MAP4: variants seen among roughly 807,000 people sequenced by gnomAD.
MAP4 encodes the protein microtubule-associated protein 4.
Under a neutral mutation model 170.2 loss-of-function variants are expected in MAP4, and 76 were observed. That is an observed-to-expected ratio of 0.45 (90% confidence interval 0.37 to 0.54). MAP4 has a LOEUF of 0.54. MAP4 is among the 20% of genes least tolerant of loss of function. The pLI, the probability that MAP4 is intolerant of heterozygous loss-of-function variation, is 0.00. For synonymous variants in MAP4, 909 were observed against 994.5 expected, an observed-to-expected ratio of 0.91 and a Z score of 1.62; for missense variants, 2,506 against 2,748.0, an observed-to-expected ratio of 0.91 and a Z score of 1.97.
At chr3:48,005,455 G>A (rs1204921220) in intron 1 of MAP4, among the ~76,000 whole-genome samples, 1 of 152,162 alleles carries the variant, frequency 6.6e-6, no homozygotes, top group East Asian at 1.9e-4. Context: ...ATGGTGGAAG[G>A]AACATAGAGT....
chr3:47,890,814 A>T (rs539878657), intron 10 of MAP4, among the ~76,000 whole-genome samples: 1 of 152,300 alleles, frequency 6.6e-6, no homozygotes, highest in East Asian at 1.9e-4. Flanking sequence ...TCATGCTAGC[A>T]AGACATTCAG....
intron 3 of MAP4, among the ~76,000 whole-genome samples, chr3:47,951,696 G>A (rs1322199887): frequency 1.6e-4 from 25 of 151,856 alleles, no homozygotes; most frequent in Admixed American, 1.0e-3. Context: ...ATCTCGGCTC[G>A]CTACAACCTC....
At chr3:47,973,341 G>T in intron 3 of MAP4, 1 of 985,346 alleles carries the variant, frequency 1.0e-6, no homozygotes. Context: ...TGACCAGTCT[G>T]GCTGCCTCAC....
chr3:47,957,642 C>A (rs900605315), intron 3 of MAP4, among the ~76,000 whole-genome samples: 2 of 152,152 alleles, frequency 1.3e-5, no homozygotes, highest in African/African-American at 4.8e-5. Flanking sequence ...CCAAGAAAGT[C>A]ATTTCATAGT....
chr3:47,857,590 T>A, intron 17 of MAP4, 78 bp from the exon 18 acceptor site: 3 of 965,202 alleles, frequency 3.1e-6, no homozygotes, highest in Non-Finnish European at 5.0e-6. Context: ...CTTTTAAATC[T>A]TCTCCATGTT....
At chr3:47,925,369 C>T (rs1323357222) in intron 4 of MAP4, among the ~76,000 whole-genome samples, 1 of 152,086 alleles carries the variant, frequency 6.6e-6, no homozygotes, top group Non-Finnish European at 1.5e-5. Context: ...TTGCTGGCTC[C>T]TCTTCTTCCT....
rs749752246 is a variant in MAP4 at position 47,870,974 on chromosome 3, TGGAGGGCCG to T, written c.6124_6132del (p.Arg2042_Ser2044del). The T allele has an allele frequency of 2.4e-4, 392 of 1,613,878 alleles. No homozygotes were observed. The highest frequency in any genetic ancestry group is 3.0e-4 in the Non-Finnish European group (359 of 1,179,958). ...GGCTTCTTGTCTATGAAAGGAGTTG[TGGAGGGCCG>T]GGAGGGCATGGGTGTGGCCTTGACT... On this transcript the variant is annotated inframe_deletion, in exon 15 of 21. Coordinates refer to ENST00000683076, the MANE Select transcript of MAP4 (RefSeq NM_001385682.1).
At chr3:47,908,180 A>G (rs1302949125) in intron 9 of MAP4, among the ~76,000 whole-genome samples, 1 of 151,700 alleles carries the variant, frequency 6.6e-6, no homozygotes, top group Non-Finnish European at 1.5e-5. Context: ...GATTCAGGGA[A>G]GCCACGATTA....
At chr3:47,882,611 GT>G (rs1475419742) in intron 10 of MAP4, among the ~76,000 whole-genome samples, 1 of 151,918 alleles carries the variant, frequency 6.6e-6, no homozygotes. Context: ...TTCTACTACT[GT>G]TTTTTCCTCT....
chr3:47,888,976 A>G (rs1002843927), intron 10 of MAP4, among the ~76,000 whole-genome samples: 2 of 152,222 alleles, frequency 1.3e-5, no homozygotes, highest in Non-Finnish European at 2.9e-5. Context: ...GTCAGTATAG[A>G]CAAAGACATG....
intron 1 of MAP4, among the ~76,000 whole-genome samples, chr3:48,054,355 G>T (rs1420864075): frequency 6.6e-6 from 1 of 151,956 alleles, no homozygotes; most frequent in Admixed American, 6.6e-5. Context: ...GCCAGGCACG[G>T]TGGCTCACGC....
rs183328383 is a variant in MAP4 at position 47,917,309 on chromosome 3, C to T, written c.653-135G>A. The T allele has an allele frequency of 1.4e-4, 102 of 723,700 alleles. 1 individual carries two copies. The highest frequency in any genetic ancestry group is 4.7e-4 in the South Asian group (26 of 54,988). 44.8% of individuals were successfully genotyped at this position (723,700 alleles called of 1,614,324 possible). On this transcript the variant is annotated intron_variant, in intron 6 of 20. Transcript: ENST00000683076. Reference sequence around the variant, plus strand: ...ACATAACTAAGAATTAATGTTAGGCCGGGCACAGTGGCTCACGCCTGTAAT... The same window carrying T: ...ACATAACTAAGAATTAATGTTAGGCTGGGCACAGTGGCTCACGCCTGTAAT...
chr3:47,943,185 A>G (rs1328306783), intron 3 of MAP4, among the ~76,000 whole-genome samples: 1 of 152,148 alleles, frequency 6.6e-6, no homozygotes, highest in Non-Finnish European at 1.5e-5. Context: ...GAGAAAGCCT[A>G]CTCCTTTCTC....
At chr3:47,969,044 A>C (rs1393250545) in intron 3 of MAP4, among the ~76,000 whole-genome samples, 3 of 152,100 alleles carry the variant, frequency 2.0e-5, no homozygotes, top group African/African-American at 7.3e-5. Flanking sequence ...TAAAGAAAAA[A>C]ACGTTTGGGT....
Position 47,937,478 on chromosome 3 carries a change from T to C in MAP4, c.293-9128A>G, listed in dbSNP as rs181861909. On this transcript the variant is annotated intron_variant, in intron 3 of 20. Coordinates refer to ENST00000683076, the MANE Select transcript of MAP4 (RefSeq NM_001385682.1). Reference sequence around the variant, plus strand: ...TTTTTTCATAGGATTAATATATTTGTCTTAGTTCTTGAATCACAAAACACA... The same window carrying C: ...TTTTTTCATAGGATTAATATATTTGCCTTAGTTCTTGAATCACAAAACACA... 4.9e-3 allele frequency among the ~76,000 whole-genome samples: 742 copies of C among 152,244 alleles called. 6 individuals carry two copies. The highest frequency in any genetic ancestry group is 5.1e-3 in the Non-Finnish European group (348 of 68,016).
At chr3:47,906,041 T>A (rs1425696681) in intron 9 of MAP4, among the ~76,000 whole-genome samples, 35 of 147,274 alleles carry the variant, frequency 2.4e-4, no homozygotes, top group South Asian at 8.6e-4. Context: ...ACAAAATCTA[T>A]GCCATGAAAT....
At chr3:47,897,250 C>T (rs529798653) in intron 10 of MAP4, among the ~76,000 whole-genome samples, 8 of 152,174 alleles carry the variant, frequency 5.3e-5, no homozygotes, top group East Asian at 3.9e-4. Context: ...CCTCAGCTTC[C>T]GGAGTAGCTG....
chr3:48,017,092 C>T (rs1170830615), upstream of MAP4, among the ~76,000 whole-genome samples: 1 of 151,874 alleles, frequency 6.6e-6, no homozygotes, highest in Non-Finnish European at 1.5e-5. Context: ...AAGGCTTACA[C>T]CAGTTGAACT....
Position 47,977,881 on chromosome 3 carries a change from T to A in MAP4, c.276A>T (p.Glu92Asp). The A allele has an allele frequency of 3.1e-6, 5 of 1,612,432 alleles. No homozygotes were observed. The highest frequency in any genetic ancestry group is 4.2e-6 in the Non-Finnish European group (5 of 1,178,578). The change falls in exon 3 of 21, where the codon GAA becomes GAT. Residue 92 changes from glutamate to aspartate, a missense_variant. Physicochemically the swap from Glu to Asp is conservative, Grantham distance 45 (BLOSUM62 2). Around this residue, in one of 3 missense-constraint regions of MAP4, gnomAD observed 2,008 missense variants for 2,206.0 expected, o/e 0.91. Transcript: ENST00000683076. Reference sequence around the variant, plus strand: ...ATCACTTACCTGTAGTATCGCTCCCTTCTACTCCATGACCACCATTGGCTA... The same window carrying A: ...ATCACTTACCTGTAGTATCGCTCCCATCTACTCCATGACCACCATTGGCTA... ...TLLANGGHGVEGSDTTGSPTE... is the reference protein window; with the variant it reads ...TLLANGGHGVDGSDTTGSPTE...
Sources: allele counts gnomAD v4.1 joint callset (sites outside exome capture counted in the v4.1 genomes callset), GRCh38; gene constraint gnomAD v4.1.1; regional missense constraint gnomAD v4.1.1; transcripts MANE v1.5; gene names NCBI Gene and HGNC (gene_info 2026-07-23, HGNC 2026-07-21).